Variants in ARMH1 observed in about 807,000 individuals in gnomAD.
ARMH1 encodes the protein armadillo-like helical domain containing protein 1.
A neutral mutation model predicts 50.2 loss-of-function variants in ARMH1; 34 were observed. The observed-to-expected ratio is 0.68, with a 90% CI of 0.51 to 0.90. The LOEUF is 0.90. Among genes scored for constraint, ARMH1 ranks in the 40% least tolerant of loss-of-function variants. The pLI is 0.00. For missense variants in ARMH1, 538 were observed against 553.9 expected (o/e 0.97, Z 0.29); for synonymous variants, 221 against 224.2 (o/e 0.99, Z 0.13).
chr1:44,723,873 C>T, intron 6 of ARMH1: 1 of 453,074 alleles, frequency 2.2e-6, no homozygotes, highest in Non-Finnish European at 3.9e-6. Context: ...GGGGTCTCAG[C>T]CTCCAGCGCT....
At chr1:44,680,396 C>T (rs535628479) in intron 1 of ARMH1, among the ~76,000 whole-genome samples, 92 of 152,300 alleles carry the variant, frequency 6.0e-4, no homozygotes, top group African/African-American at 2.1e-3. Flanking sequence ...AGGCTAGTCT[C>T]GAACTCCTGA....
intron 6 of ARMH1, among the ~76,000 whole-genome samples, chr1:44,718,894 G>A (rs566599084): frequency 2.4e-4 from 37 of 151,994 alleles, no homozygotes; most frequent in Non-Finnish European, 4.6e-4. Flanking sequence ...CCAGTGTGGT[G>A]CATGCCTGTA....
chr1:44,718,878 A>G (rs1646960646), intron 6 of ARMH1, among the ~76,000 whole-genome samples: 2 of 152,062 alleles, frequency 1.3e-5, no homozygotes, highest in African/African-American at 2.4e-5. Context: ...ACAAAAAATT[A>G]GCTGGCCAGT....
chr1:44,711,928 C>T (rs1470196485), intron 6 of ARMH1, among the ~76,000 whole-genome samples: 4 of 152,162 alleles, frequency 2.6e-5, no homozygotes, highest in Non-Finnish European at 5.9e-5. Context: ...AACTGAGGCA[C>T]AAAGCAATTA....
chr1:44,709,589 T>A (rs766407668), intron 6 of ARMH1, among the ~76,000 whole-genome samples: 3 of 151,840 alleles, frequency 2.0e-5, no homozygotes, highest in East Asian at 1.9e-4. Context: ...GGAGAATAGC[T>A]TGAACCCAGG....
intron 2 of ARMH1, chr1:44,692,920 T>A (rs1191467573): frequency 2.0e-5 from 3 of 152,020 alleles, no homozygotes; most frequent in Admixed American, 6.6e-5. Context: ...TTTTTAAAAT[T>A]TTTTTAGACA....
At chr1:44,721,945 C>G (rs377488814) in intron 6 of ARMH1, 15 of 152,304 alleles carry the variant, frequency 9.8e-5, no homozygotes, top group African/African-American at 3.1e-4. Flanking sequence ...ATTGACTGGT[C>G]TCCCTCTACT....
intron 1 of ARMH1, among the ~76,000 whole-genome samples, chr1:44,687,863 C>T (rs997856453): frequency 2.0e-5 from 3 of 152,146 alleles, no homozygotes; most frequent in Admixed American, 1.3e-4. Flanking sequence ...ATTGAGGAGC[C>T]GTAATGTGCC....
intron 1 of ARMH1, among the ~76,000 whole-genome samples, chr1:44,685,922 G>A (rs998837184): frequency 2.0e-5 from 3 of 152,072 alleles, no homozygotes; most frequent in East Asian, 3.9e-4. Context: ...CACCGCGCCC[G>A]GCCCAGATAG....
chr1:44,684,215 C>A (rs1420693420), intron 1 of ARMH1, among the ~76,000 whole-genome samples: 2 of 152,116 alleles, frequency 1.3e-5, no homozygotes, highest in Non-Finnish European at 2.9e-5. Context: ...ACATTTTGGT[C>A]TTTTTTCCAC....
chr1:44,722,567 G>A (rs1246782783), intron 6 of ARMH1, among the ~76,000 whole-genome samples: 1 of 151,090 alleles, frequency 6.6e-6, no homozygotes. Context: ...CCAACATGGT[G>A]AAACCCTGTC....
At chr1:44,718,973 T>C (rs1162389257) in intron 6 of ARMH1, among the ~76,000 whole-genome samples, 3 of 130,466 alleles carry the variant, frequency 2.3e-5, no homozygotes, top group Non-Finnish European at 4.6e-5. Context: ...TGCAGTGAGC[T>C]AAGATCGCAC....
intron 4 of ARMH1, among the ~76,000 whole-genome samples, chr1:44,700,588 C>T (rs1439385141): frequency 1.3e-5 from 2 of 148,242 alleles, no homozygotes; most frequent in African/African-American, 5.0e-5. Context: ...TGTACTCCAG[C>T]CTGGGCAACA....
intron 6 of ARMH1, among the ~76,000 whole-genome samples, chr1:44,712,906 T>C (rs1181337321): frequency 1.3e-5 from 2 of 151,994 alleles, no homozygotes; most frequent in Non-Finnish European, 2.9e-5. Flanking sequence ...TCAGGTGATA[T>C]ACCCGCCTCA....
intron 2 of ARMH1, among the ~76,000 whole-genome samples, chr1:44,691,754 T>A (rs1275839960): frequency 6.6e-6 from 1 of 152,224 alleles, no homozygotes; most frequent in Admixed American, 6.5e-5. Flanking sequence ...CATACCCATA[T>A]ATCCATCTTC....
chr1:44,721,786 A>C (rs978723021), intron 6 of ARMH1: 1 of 151,974 alleles, frequency 6.6e-6, no homozygotes, highest in African/African-American at 2.4e-5. Flanking sequence ...CAGAACATTC[A>C]GCCTTGCCTA....
At chr1:44,694,189 G>T (rs1645749272) in intron 2 of ARMH1, among the ~76,000 whole-genome samples, 1 of 152,142 alleles carries the variant, frequency 6.6e-6, no homozygotes, top group South Asian at 2.1e-4. Context: ...TCTACACCTA[G>T]AATTATTCAT....
rs529422720 is a variant in ARMH1, at chr1:44,681,151, T to A, written c.-23+6278T>A. 6.7e-6 allele frequency among the ~76,000 whole-genome samples: 1 copy of A among 149,792 alleles called. No individual in the cohort carries two copies. The highest frequency in any genetic ancestry group is 1.5e-5 in the Non-Finnish European group (1 of 67,620). On this transcript the variant is annotated intron_variant, in intron 1 of 11. Transcript: ENST00000535358. The surrounding 1 kb of genome is among the most constrained non-coding windows in gnomAD (Gnocchi z 4.3). The stretch of plus-strand genomic sequence containing the variant: ...CTGGGACTGCAGGCGTCCACCACCA[T>A]GCCCGGCTAACTTTTTGTATTTTTT...
At chr1:44,709,214 T>A (rs1355222445) in intron 6 of ARMH1, among the ~76,000 whole-genome samples, 1 of 152,200 alleles carries the variant, frequency 6.6e-6, no homozygotes, top group African/African-American at 2.4e-5. Flanking sequence ...TTTGCCTTAG[T>A]CTCCTTTGCT....
Sources: gnomAD v4.1 joint callset for allele counts (sites outside exome capture counted in the v4.1 genomes callset) on GRCh38, gnomAD v4.1.1 for gene constraint, Gnocchi (gnomAD v3.1) non-coding constraint, MANE v1.5 for transcripts, NCBI Gene and HGNC (gene_info 2026-07-23, HGNC 2026-07-21) for gene names.